UPB1: variants seen among roughly 807,000 people sequenced by gnomAD.
UPB1 encodes the protein beta-ureidopropionase 1, also known as beta-ureidopropionase.
A neutral mutation model predicts 49.1 loss-of-function variants in UPB1; 40 were observed. That is an observed-to-expected ratio of 0.81 (90% confidence interval 0.63 to 1.06). The LOEUF is 1.06. UPB1 is among the 50% of genes least tolerant of loss of function. The probability of loss-of-function intolerance (pLI) is 0.00; values close to 1 mark genes in which losing one functional copy is unlikely to be tolerated. For missense variants in UPB1, 499 were observed against 505.9 expected (o/e 0.99, Z 0.13); for synonymous variants, 207 against 198.2 (o/e 1.04, Z -0.38).
At chr22:24,520,282 C>A (rs1294266546) in intron 6 of UPB1, 105 bp from the exon 7 acceptor site, 71 of 1,302,320 alleles carry the variant, frequency 5.5e-5, no homozygotes, top group Non-Finnish European at 7.3e-5. Context: ...TCTGTCCCCA[C>A]CACTGGCCCA....
chr22:24,523,810 T>G, intron 9 of UPB1, 37 bp downstream of exon 9: 1 of 1,613,646 alleles, frequency 6.2e-7, no homozygotes, highest in Middle Eastern at 1.7e-4. Context: ...CCTGCTCCTC[T>G]GCTTTGGCCC....
chr22:24,523,874 A>C lies in UPB1; in HGVS notation c.1071+101A>C, dbSNP rs111736389. On this transcript the variant is annotated intron_variant, in intron 9 of 9. Transcript: ENST00000326010. ...GGGGTTGCCCATGGCAGCATGAGGT[A>C]CCAGCTCCCACCTGAGGGCTCTGTG... is the stretch of plus-strand genomic sequence containing the variant. 1,186 of 1,542,856 alleles carry C rather than the reference A, an allele frequency of 7.7e-4. 11 individuals carry two copies. In the African/African-American group the frequency reaches 0.014, roughly 18 times the overall value.
intron 3 of UPB1, 27 bp from the exon 4 acceptor site, chr22:24,510,722 T>G (rs760475383): frequency 6.2e-7 from 1 of 1,611,702 alleles, no homozygotes. Flanking sequence ...ATGTTGGATA[T>G]AATTCTGCCC....
At chr22:24,510,943 C>T (rs914360653) in intron 4 of UPB1, 100 bp downstream of exon 4, 12 of 1,225,802 alleles carry the variant, frequency 9.8e-6, no homozygotes, top group African/African-American at 7.4e-5. Context: ...ATGGAAAATG[C>T]ACCCATTTGG....
intron 3 of UPB1, among the ~76,000 whole-genome samples, chr22:24,509,589 G>C (rs1568986961): frequency 6.6e-6 from 1 of 151,998 alleles, no homozygotes; most frequent in Non-Finnish European, 1.5e-5. Context: ...CTAGGAGGAG[G>C]GGGGGTCCCA....
chr22:24,520,632 G>A (rs1197578362), intron 7 of UPB1, among the ~76,000 whole-genome samples, 164 bp downstream of exon 7: 1 of 152,112 alleles, frequency 6.6e-6, no homozygotes, highest in Non-Finnish European at 1.5e-5. Context: ...TGTTTTTTCT[G>A]TTTTTGTATT....
At chr22:24,522,071 C>T (rs1462763480) in intron 8 of UPB1, 43 bp downstream of exon 8, 5 of 1,598,562 alleles carry the variant, frequency 3.1e-6, no homozygotes, top group Non-Finnish European at 4.3e-6. Flanking sequence ...AGGAGTGGGC[C>T]TTCCTCTCCC....
chr22:24,509,100 G>A (rs1190656078), intron 3 of UPB1, among the ~76,000 whole-genome samples: 4 of 152,132 alleles, frequency 2.6e-5, no homozygotes, highest in South Asian at 4.2e-4. Flanking sequence ...CAGCCTCACC[G>A]GGGATATGGG....
At chr22:24,496,388 CACACACACACACACAT>C (rs1361144218) in intron 1 of UPB1, among the ~76,000 whole-genome samples, 83 of 138,050 alleles carry the variant, frequency 6.0e-4, no homozygotes, top group South Asian at 2.3e-3. Context: ...CACACACACA[CACACACACACACACAT>C]ACACACACAC....
At chr22:24,501,522 C>T (rs1420871891) in intron 2 of UPB1, among the ~76,000 whole-genome samples, 2 of 152,200 alleles carry the variant, frequency 1.3e-5, no homozygotes, top group East Asian at 3.9e-4. Context: ...GTTACCTTGA[C>T]ACTTGGCCCA....
At chr22:24,509,175 A>G (rs545773970) in intron 3 of UPB1, among the ~76,000 whole-genome samples, 1 of 152,258 alleles carries the variant, frequency 6.6e-6, no homozygotes, top group South Asian at 2.1e-4. Flanking sequence ...AGGTAACTCC[A>G]TGCACTGCAG....
chr22:24,510,695 C>T, intron 3 of UPB1, 54 bp from the exon 4 acceptor site: 1 of 1,573,764 alleles, frequency 6.4e-7, no homozygotes, highest in Non-Finnish European at 8.7e-7. Context: ...CTGAGGAGCC[C>T]CCCTCAGAGG....
At chr22:24,515,614 C>T (rs879484907) in intron 6 of UPB1, among the ~76,000 whole-genome samples, 27 of 152,264 alleles carry the variant, frequency 1.8e-4, no homozygotes, top group Admixed American at 1.8e-3. Flanking sequence ...CCAACCTCTG[C>T]TGTGATTCTG....
Position 24,513,467 on chromosome 22 carries a change from A to G in UPB1, c.603A>G (p.Arg201=). 1 of 1,614,130 alleles carries G rather than the reference A, an allele frequency of 6.2e-7. No individual in the cohort carries two copies. The highest frequency in any genetic ancestry group is 1.1e-5 in the South Asian group (1 of 91,064). ...AGACCAGGAAAAACCACATCCCCAG[A>G]GTGGGTGATTTCAACGAGGTGAGCC... is the stretch of plus-strand genomic sequence containing the variant. ...LGKTRKNHIP[R]VGDFNESTYY... The change falls in exon 5 of 10, where the codon AGA becomes AGG. Residue 201 remains arginine (R), a synonymous_variant. Coordinates refer to ENST00000326010, the MANE Select transcript of UPB1 (RefSeq NM_016327.3).
At chr22:24,512,608 G>A (rs1197075286) in intron 4 of UPB1, among the ~76,000 whole-genome samples, 1 of 152,142 alleles carries the variant, frequency 6.6e-6, no homozygotes, top group African/African-American at 2.4e-5. Flanking sequence ...GTAGTGTAAA[G>A]TATATTCACA....
At chr22:24,502,872 C>T (rs988262909) in intron 3 of UPB1, 1 of 232,686 alleles carries the variant, frequency 4.3e-6, no homozygotes, top group Non-Finnish European at 8.5e-6. Flanking sequence ...TCTATCCCCC[C>T]AGCCCATTTT....
At chr22:24,517,170 T>A (rs1386962647) in intron 6 of UPB1, among the ~76,000 whole-genome samples, 1 of 152,164 alleles carries the variant, frequency 6.6e-6, no homozygotes, top group Non-Finnish European at 1.5e-5. Context: ...ATGCAACCCC[T>A]CCTCTGTTAC....
chr22:24,498,969 A>G (rs2043939579), intron 1 of UPB1, among the ~76,000 whole-genome samples: 1 of 152,180 alleles, frequency 6.6e-6, no homozygotes, highest in East Asian at 1.9e-4. Flanking sequence ...GGCCTGCAGG[A>G]GCGCCCTTCC....
chr22:24,526,231 G>A lies in UPB1; in HGVS notation c.*437G>A. The A allele has an allele frequency of 7.3e-6, 2 of 274,032 alleles. No individual in the cohort carries two copies. The highest frequency in any genetic ancestry group is 4.9e-5 in the Admixed American group (1 of 20,204). The allele number at this position is 274,032 out of a possible 1,614,324, so 17.0% of individuals were successfully genotyped here. On this transcript the variant is annotated 3_prime_UTR_variant, in exon 10 of 10. Coordinates refer to ENST00000326010, the MANE Select transcript of UPB1 (RefSeq NM_016327.3). Reference sequence around the variant, plus strand: ...GCTGTGGTGGGTCGGATGGTCTTTGGATGTGTCAGCTTAGCTAGGCCACAG... The same window carrying A: ...GCTGTGGTGGGTCGGATGGTCTTTGAATGTGTCAGCTTAGCTAGGCCACAG...
Sources: gnomAD v4.1 joint callset for allele counts (sites outside exome capture counted in the v4.1 genomes callset) on GRCh38, gnomAD v4.1.1 for gene constraint, MANE v1.5 for transcripts, NCBI Gene and HGNC (gene_info 2026-07-23, HGNC 2026-07-21) for gene names.